CNTN5: variants seen among roughly 807,000 people sequenced by gnomAD.
CNTN5 encodes contactin-5.
A neutral mutation model predicts 129.1 loss-of-function variants in CNTN5; 77 were observed. The ratio of observed to expected loss-of-function variants is 0.60; its 90% CI spans 0.50 to 0.72. The LOEUF (loss-of-function observed/expected upper bound fraction) is 0.72, where lower values mean the gene tolerates loss of function less well. Ranked by LOEUF, CNTN5 falls within the 30% of genes least tolerant of loss-of-function variation. CNTN5 has a pLI of 0.00. For missense variants in CNTN5, 1,478 were observed against 1,328.8 expected (o/e 1.11, Z -1.75); for synonymous variants, 509 against 465.6 (o/e 1.09, Z -1.20).
chr11:99,786,976 A>G (rs550957536), intron 3 of CNTN5, among the ~76,000 whole-genome samples: 6 of 152,196 alleles, frequency 3.9e-5, no homozygotes, highest in Non-Finnish European at 8.8e-5. Flanking sequence ...CTTCTTAGAA[A>G]CATTTAGATG....
At chr11:100,344,085 CT>C (rs2139021964) in intron 23 of CNTN5, among the ~76,000 whole-genome samples, 2 of 152,118 alleles carry the variant, frequency 1.3e-5, no homozygotes, top group East Asian at 3.9e-4. Flanking sequence ...AGGGAGGTCA[CT>C]TAATTTTCAC....
At chr11:99,860,950 A>ATTTTTTTTTTTTT (rs146364893) in intron 6 of CNTN5, among the ~76,000 whole-genome samples, 4 of 91,034 alleles carry the variant, frequency 4.4e-5, no homozygotes, top group African/African-American at 8.9e-5. Context: ...ATATGTCTTC[A>ATTTTTTTTTTTTT]TTTTTTTTTT....
At chr11:99,195,405 G>C (rs1858850215) in intron 1 of CNTN5, among the ~76,000 whole-genome samples, 2 of 152,062 alleles carry the variant, frequency 1.3e-5, no homozygotes, top group South Asian at 4.2e-4. Flanking sequence ...TAAATGAGAG[G>C]ATATGGCGTC....
chr11:99,459,429 C>G (rs2656190), intron 2 of CNTN5, among the ~76,000 whole-genome samples: 124,605 of 151,868 alleles, frequency 0.82, 51,493 homozygotes, highest in Middle Eastern at 0.91. Flanking sequence ...AGTAGTAAGA[C>G]TAATATGATA....
intron 7 of CNTN5, among the ~76,000 whole-genome samples, chr11:99,918,347 A>G (rs1289673703): frequency 6.6e-6 from 1 of 152,214 alleles, no homozygotes; most frequent in African/African-American, 2.4e-5. Context: ...ACCAAAGCAC[A>G]CATACAAAAC....
At chr11:99,896,063 G>A (rs919704717) in intron 6 of CNTN5, among the ~76,000 whole-genome samples, 2 of 152,082 alleles carry the variant, frequency 1.3e-5, no homozygotes, top group African/African-American at 4.8e-5. Flanking sequence ...ATAACTCCCA[G>A]AGGTAGCTAA....
chr11:100,318,425 G>C (rs772360415), intron 21 of CNTN5, among the ~76,000 whole-genome samples: 6 of 151,820 alleles, frequency 4.0e-5, no homozygotes, highest in Admixed American at 3.9e-4. Context: ...GAGCATCCAC[G>C]CAAAAATATG....
intron 2 of CNTN5, among the ~76,000 whole-genome samples, chr11:99,351,346 C>A (rs1253779915): frequency 6.6e-6 from 1 of 152,178 alleles, no homozygotes; most frequent in South Asian, 2.1e-4. Context: ...GACACTAATG[C>A]TTACAGAGTC....
chr11:99,865,426 A>C (rs1948329560), intron 6 of CNTN5, among the ~76,000 whole-genome samples: 1 of 151,888 alleles, frequency 6.6e-6, no homozygotes, highest in Non-Finnish European at 1.5e-5. Context: ...TATGAAAATT[A>C]TAATACTATA....
chr11:99,043,435 A>T (rs990116856), intron 1 of CNTN5, among the ~76,000 whole-genome samples: 2 of 150,798 alleles, frequency 1.3e-5, no homozygotes, highest in African/African-American at 2.4e-5. Flanking sequence ...AAAGTATAAT[A>T]AAAAAAAAGA....
intron 3 of CNTN5, among the ~76,000 whole-genome samples, chr11:99,630,834 T>G (rs1951320857): frequency 1.3e-5 from 2 of 152,128 alleles, no homozygotes; most frequent in African/African-American, 4.8e-5. Context: ...TGTGGACCAT[T>G]TGCTAAAAAG....
intron 2 of CNTN5, among the ~76,000 whole-genome samples, chr11:99,331,179 C>A (rs551299486): frequency 6.6e-6 from 1 of 152,168 alleles, no homozygotes; most frequent in Non-Finnish European, 1.5e-5. Flanking sequence ...TAGAGCCTTG[C>A]AGTAACCTTT....
intron 6 of CNTN5, among the ~76,000 whole-genome samples, chr11:99,897,907 A>G (rs941981304): frequency 6.6e-6 from 1 of 152,226 alleles, no homozygotes; most frequent in African/African-American, 2.4e-5. Context: ...CCTATCTCAC[A>G]TGTAATGACA....
At chr11:100,200,094 G>C (rs1948742723) in intron 15 of CNTN5, among the ~76,000 whole-genome samples, 1 of 151,922 alleles carries the variant, frequency 6.6e-6, no homozygotes, top group Admixed American at 6.6e-5. Context: ...CGTTAGCACA[G>C]TTTGGAATTG....
chr11:100,158,943 A>G (rs367921216), intron 13 of CNTN5, among the ~76,000 whole-genome samples: 1 of 151,968 alleles, frequency 6.6e-6, no homozygotes, highest in Non-Finnish European at 1.5e-5. Flanking sequence ...GAAATGATAA[A>G]TTCATGACAG....
chr11:99,424,403 C>T lies in CNTN5; in HGVS notation c.-71+98919C>T, dbSNP rs574695981. Among the ~76,000 whole-genome samples the T allele has an allele frequency of 1.6e-4, 24 of 152,326 alleles. No individual in the cohort carries two copies. The South Asian group carries it at 4.8e-3, about 30-fold the overall frequency. On this transcript the variant is annotated intron_variant, in intron 2 of 24. Transcript: ENST00000524871. ...GTGGCACCCAGCATGCTGCACTCAGCTCATGCTGCCGGCCTCAACCTCACG... is the reference window on the plus strand; with the variant it reads ...GTGGCACCCAGCATGCTGCACTCAGTTCATGCTGCCGGCCTCAACCTCACG...
chr11:100,346,413 T>G lies in CNTN5; in HGVS notation c.3031-4289T>G, dbSNP rs542222531. Among the ~76,000 whole-genome samples, 7 of 152,248 alleles carry G rather than the reference T, an allele frequency of 4.6e-5. No individual in the cohort carries two copies. The South Asian group carries it at 1.4e-3, about 32-fold the overall frequency. On this transcript the variant is annotated intron_variant, in intron 23 of 24. Coordinates refer to ENST00000524871, the MANE Select transcript of CNTN5 (RefSeq NM_014361.4). ...CAGGTTATAAAGTAAAAACAACCAT[T>G]TTATCTCCACCTTATTTTCTTCACA...
intron 10 of CNTN5, among the ~76,000 whole-genome samples, chr11:100,062,485 G>A (rs1040545420): frequency 1.3e-5 from 2 of 152,294 alleles, no homozygotes; most frequent in South Asian, 4.1e-4. Flanking sequence ...TTTGTTAAGT[G>A]CCTCGTACTG....
At chr11:99,221,478 C>A (rs142920210) in intron 1 of CNTN5, among the ~76,000 whole-genome samples, 1,661 of 151,814 alleles carry the variant, frequency 0.011, 14 homozygotes, top group Non-Finnish European at 0.016. Context: ...TTATCTGAAC[C>A]TGGTTTTGGG....
Sources: gnomAD v4.1 joint callset for allele counts (sites outside exome capture counted in the v4.1 genomes callset) on GRCh38, gnomAD v4.1.1 for gene constraint, MANE v1.5 for transcripts, NCBI Gene and HGNC (gene_info 2026-07-23, HGNC 2026-07-21) for gene names.